Variants in TBCD observed in about 807,000 individuals in gnomAD.
TBCD encodes tubulin-specific chaperone D.
Under a neutral mutation model 169.3 loss-of-function variants are expected in TBCD, and 105 were observed. That is an observed-to-expected ratio of 0.62 (90% CI 0.53 to 0.73). TBCD has a LOEUF of 0.73. Ranked by LOEUF, TBCD falls within the 30% of genes least tolerant of loss-of-function variation. The pLI, the probability that TBCD is intolerant of heterozygous loss-of-function variation, is 0.00. For missense variants in TBCD, 1,444 were observed against 1,600.1 expected (o/e 0.90, Z 1.66); for synonymous variants, 700 against 643.9 (o/e 1.09, Z -1.32).
At chr17:82,810,428 G>C (rs1321346272) in intron 12 of TBCD, among the ~76,000 whole-genome samples, 1 of 152,236 alleles carries the variant, frequency 6.6e-6, no homozygotes, top group African/African-American at 2.4e-5. Context: ...GGGCAACAGA[G>C]TGAGACCCGG....
Position 82,926,435 on chromosome 17 carries a change from C to G in TBCD, c.2415C>G (p.Ser805=), listed in dbSNP as rs1241372325. 4 of 1,613,904 alleles carry G rather than the reference C, an allele frequency of 2.5e-6. No individual in the cohort carries two copies. The Admixed American group carries it at 5.0e-5, about 20-fold the overall frequency. Residue 805 remains serine (S), a synonymous_variant, in exon 28 of 39, where the codon TCC becomes TCG. Transcript: ENST00000355528. The part of the protein sequence containing the change: ...LTGLRAVTHT[S]PEDVSFAESR... ...GTTTAAGAGCAGTTACCCACACTTC[C>G]CCCGAGGACGTAAGTTTTGCTGAGT...
At chr17:82,768,397 C>T (rs2048133910) in intron 4 of TBCD, 23 bp from the exon 5 acceptor site, 2 of 1,613,480 alleles carry the variant, frequency 1.2e-6, no homozygotes, top group Non-Finnish European at 1.7e-6. Flanking sequence ...AAGACTCATT[C>T]TTCCCGTGGT....
At position 82,800,990 on chromosome 17, in the gene TBCD, C is replaced by T; in HGVS notation, c.944C>T (p.Ala315Val). The change falls in exon 9 of 39, where the codon GCA becomes GTA. Residue 315 changes from alanine to valine, a missense_variant. Physicochemically the swap from Ala to Val is moderately conservative, Grantham distance 64. Coordinates refer to ENST00000355528, the MANE Select transcript of TBCD (RefSeq NM_005993.5). ...GLTFLKPKVAAWRYQRGCRSL... is the reference protein window; with the variant it reads ...GLTFLKPKVAVWRYQRGCRSL... ...ACATTCCTGAAGCCGAAGGTGGCAGCATGGAGGTAGGCACCATGAGGGCGG... is the reference window on the plus strand; with the variant it reads ...ACATTCCTGAAGCCGAAGGTGGCAGTATGGAGGTAGGCACCATGAGGGCGG... 6.3e-7 allele frequency: 1 copy of T among 1,597,880 alleles called. No homozygotes were observed. Among genetic ancestry groups the T allele is most frequent in the Non-Finnish European group, 8.5e-7 (1 of 1,172,324 alleles).
In TBCD at chr17:82,924,945, T is replaced by C. The variant is rs2061629717; in HGVS notation, c.2267T>C (p.Leu756Pro). The stretch of plus-strand genomic sequence containing the variant: ...ACTCGTTGCTTCCTTTCAGAGGAGC[T>C]GATCACGCAGTACCTGGCTGAGCTT... The part of the protein sequence containing the change: ...GEADPAIQEE[L>P]ITQYLAELRN... The change falls in exon 27 of 39, where the codon CTG becomes CCG. Residue 756 changes from leucine to proline, a missense_variant. Leu to Pro is a moderately conservative substitution (Grantham distance 98). Transcript: ENST00000355528. 13 of 1,561,808 alleles carry C rather than the reference T, an allele frequency of 8.3e-6. No individual in the cohort carries two copies. The highest frequency in any genetic ancestry group is 1.4e-5 in the African/African-American group (1 of 73,608).
intron 2 of TBCD, among the ~76,000 whole-genome samples, chr17:82,761,294 A>G (rs2047741378): frequency 6.6e-6 from 1 of 152,166 alleles, no homozygotes; most frequent in African/African-American, 2.4e-5. Flanking sequence ...CTTAGCAGGT[A>G]AATATTATAT....
intron 36 of TBCD, among the ~76,000 whole-genome samples, chr17:82,938,759 T>C (rs1328921588): frequency 7.0e-6 from 1 of 142,600 alleles, no homozygotes; most frequent in Non-Finnish European, 1.6e-5. Context: ...GCGAGATTGC[T>C]TCCCTGATGA....
In TBCD at chr17:82,941,174, T is replaced by C. The variant is rs183714963; in HGVS notation, c.3480-225T>C. ...GTCCTTCCCGAGGGGCACCCCTTGTTGGGAAGGAACCGTCCTCCTGCGATT... is the reference window on the plus strand; with the variant it reads ...GTCCTTCCCGAGGGGCACCCCTTGTCGGGAAGGAACCGTCCTCCTGCGATT... On this transcript the variant is annotated intron_variant, in intron 37 of 38. Coordinates refer to ENST00000355528, the MANE Select transcript of TBCD (RefSeq NM_005993.5). Among the ~76,000 whole-genome samples, 341 of 152,350 alleles carry C rather than the reference T, an allele frequency of 2.2e-3. 3 individuals are homozygous for C. The highest frequency in any genetic ancestry group is 4.6e-3 in the Admixed American group (70 of 15,308).
chr17:82,861,443 G>T (rs888159900), intron 13 of TBCD, among the ~76,000 whole-genome samples: 1 of 152,214 alleles, frequency 6.6e-6, no homozygotes, highest in Admixed American at 6.5e-5. Context: ...ATGGATCAGT[G>T]GATGGAGAAA....
intron 23 of TBCD, chr17:82,913,918 G>C (rs1160992266): frequency 1.6e-4 from 24 of 152,296 alleles, no homozygotes; most frequent in Admixed American, 1.6e-3. Flanking sequence ...CCTCCGTGTG[G>C]TTGTCGTGGG....
chr17:82,902,105 T>C (rs993884952), intron 18 of TBCD, among the ~76,000 whole-genome samples: 2 of 152,188 alleles, frequency 1.3e-5, no homozygotes, highest in African/African-American at 4.8e-5. Context: ...CGGGGTCACT[T>C]ATTGGAGGCA....
chr17:82,819,303 C>T (rs2052207061), intron 13 of TBCD, among the ~76,000 whole-genome samples: 1 of 152,174 alleles, frequency 6.6e-6, no homozygotes. Context: ...AATAGGGGGA[C>T]TCTGCCTGCT....
intron 21 of TBCD, chr17:82,908,327 C>T (rs1184274402): frequency 2.6e-5 from 12 of 456,706 alleles, no homozygotes; most frequent in Admixed American, 9.4e-5. Context: ...TCTGATGTCT[C>T]CTGAAAGTAA....
At chr17:82,934,032 G>A (rs1275150264) in intron 34 of TBCD, among the ~76,000 whole-genome samples, 6 of 152,220 alleles carry the variant, frequency 3.9e-5, no homozygotes, top group East Asian at 1.9e-4. Flanking sequence ...GGGCAGTGCC[G>A]GGGCTTCTGG....
At chr17:82,828,759 ACAC>A (rs1284877448) in intron 13 of TBCD, among the ~76,000 whole-genome samples, 3 of 150,774 alleles carry the variant, frequency 2.0e-5, no homozygotes, top group Non-Finnish European at 4.4e-5. Flanking sequence ...ATGCACACAC[ACAC>A]ATCTAATCAG....
At chr17:82,866,302 C>G (rs543655907) in intron 13 of TBCD, among the ~76,000 whole-genome samples, 1 of 152,298 alleles carries the variant, frequency 6.6e-6, no homozygotes, top group African/African-American at 2.4e-5. Flanking sequence ...TTTTTCACCC[C>G]AGGGTATAGC....
intron 6 of TBCD, among the ~76,000 whole-genome samples, chr17:82,778,051 C>G (rs2048711733): frequency 6.6e-6 from 1 of 152,238 alleles, no homozygotes; most frequent in Non-Finnish European, 1.5e-5. Flanking sequence ...ACTATGTCCC[C>G]TCAGCTCCTA....
At chr17:82,796,896 C>T (rs954675993) in intron 7 of TBCD, among the ~76,000 whole-genome samples, 6 of 152,206 alleles carry the variant, frequency 3.9e-5, no homozygotes, top group Admixed American at 2.6e-4. Context: ...TCCTGATGGG[C>T]GGCACCTGCT....
chr17:82,813,816 CG>C (rs1447378657), intron 12 of TBCD, among the ~76,000 whole-genome samples: 1 of 152,158 alleles, frequency 6.6e-6, no homozygotes, highest in African/African-American at 2.4e-5. Flanking sequence ...TTGAGTCTGT[CG>C]GTGACAGTGA....
intron 13 of TBCD, among the ~76,000 whole-genome samples, chr17:82,858,049 G>A (rs2056464656): frequency 6.6e-6 from 1 of 151,990 alleles, no homozygotes; most frequent in South Asian, 2.1e-4. Flanking sequence ...AGTAGCTGGT[G>A]CTACAGGGGC....
Sources: allele counts gnomAD v4.1 joint callset (sites outside exome capture counted in the v4.1 genomes callset), GRCh38; gene constraint gnomAD v4.1.1; transcripts MANE v1.5; gene names NCBI Gene and HGNC (gene_info 2026-07-23, HGNC 2026-07-21).